The following TCF12 variants were observed in gnomAD, a reference collection of about 807,000 sequenced individuals.
The protein encoded by TCF12 is transcription factor 12.
Under a neutral mutation model 86.0 loss-of-function variants are expected in TCF12, and 45 were observed. The observed-to-expected ratio is 0.52, with a 90% CI of 0.41 to 0.67. The LOEUF is 0.67. TCF12 is among the 30% of genes least tolerant of loss of function. The pLI, the probability that TCF12 is intolerant of heterozygous loss-of-function variation, is 0.00. For synonymous variants in TCF12, 330 were observed against 299.6 expected (o/e 1.10, Z -1.05); for missense variants, 881 against 859.9 (o/e 1.02, Z -0.31).
chr15:56,949,707 C>T (rs1176731107), intron 3 of TCF12, among the ~76,000 whole-genome samples: 2 of 152,154 alleles, frequency 1.3e-5, no homozygotes, highest in Non-Finnish European at 2.9e-5. Flanking sequence ...GGAAGGGTGA[C>T]ATAGATATGG....
intron 5 of TCF12, among the ~76,000 whole-genome samples, chr15:57,115,432 A>G (rs1328263003): frequency 3.9e-5 from 6 of 152,346 alleles, no homozygotes; most frequent in Admixed American, 2.6e-4. Context: ...TGGCATTAGC[A>G]TCTTACAAAC....
chr15:56,974,048 G>T (rs370682656), intron 3 of TCF12, among the ~76,000 whole-genome samples: 2 of 152,112 alleles, frequency 1.3e-5, no homozygotes, highest in African/African-American at 4.8e-5. Context: ...AGTGCGTTCA[G>T]TGTTCGTGGC....
At chr15:56,984,405 T>G (rs2063076668) in intron 3 of TCF12, among the ~76,000 whole-genome samples, 1 of 151,976 alleles carries the variant, frequency 6.6e-6, no homozygotes, top group Non-Finnish European at 1.5e-5. Context: ...CCTAACATGG[T>G]GTGAAATAAG....
intron 6 of TCF12, among the ~76,000 whole-genome samples, chr15:57,170,771 TATATA>T (rs1567559874): frequency 0.41 from 4,463 of 10,756 alleles, 684 homozygotes; most frequent in Non-Finnish European, 0.54. Context: ...ATATATATAT[TATATA>T]TAATATATAT....
chr15:56,969,747 G>T (rs532632169), intron 3 of TCF12, among the ~76,000 whole-genome samples: 1 of 152,132 alleles, frequency 6.6e-6, no homozygotes, highest in African/African-American at 2.4e-5. Context: ...TTGATCTCTG[G>T]GTAGAGATGT....
At chr15:56,953,605 C>T (rs1595833112) in intron 3 of TCF12, among the ~76,000 whole-genome samples, 2 of 152,120 alleles carry the variant, frequency 1.3e-5, no homozygotes, top group African/African-American at 4.8e-5. Context: ...GGAATAGTTC[C>T]AGAGCCACGT....
intron 8 of TCF12, among the ~76,000 whole-genome samples, chr15:57,221,684 T>C (rs930079294): frequency 6.6e-6 from 1 of 152,006 alleles, no homozygotes; most frequent in Non-Finnish European, 1.5e-5. Context: ...AATATATAAA[T>C]AAAGAGATGA....
At chr15:57,061,894 C>T (rs1051556018) in intron 3 of TCF12, among the ~76,000 whole-genome samples, 32 of 151,940 alleles carry the variant, frequency 2.1e-4, no homozygotes, top group African/African-American at 7.5e-4. Context: ...GTGTTGGTTG[C>T]AGAGAAAATG....
chr15:57,240,428 G>T (rs751022667), intron 12 of TCF12, among the ~76,000 whole-genome samples: 1 of 152,150 alleles, frequency 6.6e-6, no homozygotes, highest in African/African-American at 2.4e-5. Context: ...TAGAACTGAC[G>T]ATTTCTCACT....
intron 6 of TCF12, among the ~76,000 whole-genome samples, chr15:57,181,187 A>AC (rs1240550364): frequency 1.2e-4 from 19 of 152,172 alleles, no homozygotes; most frequent in Admixed American, 6.5e-4. Flanking sequence ...TTGGCGTTTA[A>AC]GCCAAGCCAC....
chr15:57,138,712 T>C (rs1210273817), intron 5 of TCF12, among the ~76,000 whole-genome samples: 2 of 152,206 alleles, frequency 1.3e-5, no homozygotes, highest in African/African-American at 4.8e-5. Context: ...CAGAAAGTGG[T>C]AGAGCTAGAA....
intron 3 of TCF12, among the ~76,000 whole-genome samples, chr15:57,040,680 G>A (rs1219917290): frequency 2.6e-5 from 4 of 152,118 alleles, no homozygotes; most frequent in Admixed American, 6.5e-5. Context: ...TCAGAATATC[G>A]AGAATATCTC....
chr15:57,085,233 A>C (rs1255549537), intron 4 of TCF12, among the ~76,000 whole-genome samples: 1 of 152,210 alleles, frequency 6.6e-6, no homozygotes, highest in Non-Finnish European at 1.5e-5. Flanking sequence ...TTGGATTATG[A>C]AGAGGAATAA....
intron 3 of TCF12, among the ~76,000 whole-genome samples, chr15:56,992,669 G>T (rs534404200): frequency 6.6e-6 from 1 of 152,246 alleles, no homozygotes; most frequent in Non-Finnish European, 1.5e-5. Context: ...AAATTTTGAG[G>T]ACCTTGCAGT....
At chr15:57,099,956 G>A (rs2151164674) in intron 5 of TCF12, among the ~76,000 whole-genome samples, 1 of 152,114 alleles carries the variant, frequency 6.6e-6, no homozygotes, top group East Asian at 1.9e-4. Context: ...AAACTCTAGG[G>A]ACTTAAATCA....
intron 7 of TCF12, among the ~76,000 whole-genome samples, chr15:57,194,733 G>A (rs149385872): frequency 3.3e-5 from 5 of 152,134 alleles, no homozygotes; most frequent in South Asian, 2.1e-4. Context: ...TCCCCTAAGC[G>A]TCTTTCACGT....
chr15:57,225,738 C>G (rs1196301230), intron 8 of TCF12, among the ~76,000 whole-genome samples: 1 of 152,054 alleles, frequency 6.6e-6, no homozygotes, highest in Non-Finnish European at 1.5e-5. Context: ...TTTATTTACT[C>G]TTCTTAAAAG....
chr15:57,154,052 A>G (rs2053951501), intron 5 of TCF12, among the ~76,000 whole-genome samples: 1 of 152,126 alleles, frequency 6.6e-6, no homozygotes, highest in South Asian at 2.1e-4. Context: ...AGAACAAACA[A>G]CAAATGAGAT....
At chr15:57,020,419 G>A (rs1438274598) in intron 3 of TCF12, among the ~76,000 whole-genome samples, 1 of 152,158 alleles carries the variant, frequency 6.6e-6, no homozygotes, top group Non-Finnish European at 1.5e-5. Flanking sequence ...TGTGTTAGTA[G>A]GTTAACCCTT....
Sources: allele counts gnomAD v4.1 joint callset (sites outside exome capture counted in the v4.1 genomes callset), GRCh38; gene constraint gnomAD v4.1.1; transcripts MANE v1.5; gene names NCBI Gene and HGNC (gene_info 2026-07-23, HGNC 2026-07-21).